UNC13C: variants seen among roughly 807,000 people sequenced by gnomAD.
The protein encoded by UNC13C is unc-13 homolog C.
UNC13C carries 174 observed loss-of-function variants against 245.4 expected under a neutral mutation model. The observed-to-expected ratio is 0.71, with a 90% CI of 0.63 to 0.80. The LOEUF (loss-of-function observed/expected upper bound fraction) is 0.80, where lower values mean the gene tolerates loss of function less well. Ranked by LOEUF, UNC13C falls within the 30% of genes least tolerant of loss-of-function variation. UNC13C has a pLI of 0.00. For synonymous variants in UNC13C, 992 were observed against 895.1 expected, an observed-to-expected ratio of 1.11 and a Z score of -1.93; for missense variants, 2,829 against 2,602.9, an observed-to-expected ratio of 1.09 and a Z score of -1.89.
intron 30 of UNC13C, among the ~76,000 whole-genome samples, chr15:54,597,813 A>C (rs1899181386): frequency 6.6e-6 from 1 of 152,202 alleles, no homozygotes; most frequent in Non-Finnish European, 1.5e-5. Flanking sequence ...GTGTCTAAAA[A>C]TACATCATAT....
rs2038455764 is a variant in UNC13C at position 54,332,229 on chromosome 15, T to C, written c.4494+118T>C. On this transcript the variant is annotated intron_variant, in intron 15 of 32. Coordinates refer to ENST00000260323, the MANE Select transcript of UNC13C (RefSeq NM_001080534.3). ...AAATAAAAATATTGATCTCAGGTGC[T>C]GTTACCCTTAGAAATAATCCAGCAG... The C allele has an allele frequency of 7.2e-6, 5 of 691,806 alleles. No homozygotes were observed. The South Asian group carries it at 8.6e-5, about 12-fold the overall frequency. 42.9% of individuals were successfully genotyped at this position (691,806 alleles called of 1,614,324 possible).
chr15:54,557,835 C>G (rs1897151802), intron 29 of UNC13C, among the ~76,000 whole-genome samples: 1 of 151,972 alleles, frequency 6.6e-6, no homozygotes, highest in Non-Finnish European at 1.5e-5. Flanking sequence ...CATCATTTCA[C>G]CTGCCTTGTA....
At chr15:54,575,202 AT>A (rs1235044871) in intron 30 of UNC13C, among the ~76,000 whole-genome samples, 10 of 152,044 alleles carry the variant, frequency 6.6e-5, no homozygotes, top group Middle Eastern at 3.2e-3. Flanking sequence ...CACCCAGCTA[AT>A]TTTTGTAATT....
At chr15:54,195,195 G>T (rs1313494705) in intron 4 of UNC13C, among the ~76,000 whole-genome samples, 1 of 151,958 alleles carries the variant, frequency 6.6e-6, no homozygotes, top group Non-Finnish European at 1.5e-5. Context: ...TTATTCTCCA[G>T]CTGTACCATA....
chr15:53,953,226 A>C, the UNC13C span, among the ~76,000 whole-genome samples: 1 of 152,312 alleles, frequency 6.6e-6, no homozygotes, highest in Admixed American at 6.5e-5. Context: ...TTCTGTGTGG[A>C]AAAACCTCCA....
At chr15:53,855,185 A>C in the UNC13C span, among the ~76,000 whole-genome samples, 1 of 152,204 alleles carries the variant, frequency 6.6e-6, no homozygotes, top group African/African-American at 2.4e-5. Context: ...CAGCTTAAGT[A>C]GCTTTTGGGC....
At position 54,519,390 on chromosome 15, in the gene UNC13C, G is replaced by C. The variant is rs550166196; in HGVS notation, c.5458-6159G>C. 1.4e-3 allele frequency among the ~76,000 whole-genome samples: 218 copies of C among 152,028 alleles called. 1 individual carries two copies. The highest frequency in any genetic ancestry group is 5.1e-3 in the African/African-American group (210 of 41,336). On this transcript the variant is annotated intron_variant, in intron 24 of 32. Coordinates refer to ENST00000260323, the MANE Select transcript of UNC13C (RefSeq NM_001080534.3). ...ATATTGAGTGAATTATAAAAGGTAA[G>C]GCAATCTTTTTTTTTCCTTCAGTTG...
At chr15:54,465,248 C>T (rs1376631854) in intron 19 of UNC13C, among the ~76,000 whole-genome samples, 1 of 151,976 alleles carries the variant, frequency 6.6e-6, no homozygotes, top group African/African-American at 2.4e-5. Context: ...TCAGTTTACC[C>T]TAATACAGTC....
intron 30 of UNC13C, among the ~76,000 whole-genome samples, chr15:54,605,657 CA>C (rs1490107658): frequency 6.6e-6 from 1 of 152,118 alleles, no homozygotes; most frequent in Non-Finnish European, 1.5e-5. Context: ...TCATCCTAAC[CA>C]AGTTTTAATG....
chr15:54,345,417 C>A (rs1280765880), intron 17 of UNC13C, among the ~76,000 whole-genome samples: 2 of 152,080 alleles, frequency 1.3e-5, no homozygotes, highest in Non-Finnish European at 2.9e-5. Context: ...GGCAGGATCC[C>A]AGATGAAGAG....
chr15:54,286,445 C>T (rs533874258), intron 10 of UNC13C, among the ~76,000 whole-genome samples: 1 of 152,258 alleles, frequency 6.6e-6, no homozygotes, highest in South Asian at 2.1e-4. Flanking sequence ...TATACTACTT[C>T]AGCAATGCTG....
upstream of UNC13C, chr15:53,977,015 G>A (rs1265639505): frequency 6.6e-6 from 1 of 152,192 alleles, no homozygotes; most frequent in African/African-American, 2.4e-5. Flanking sequence ...TACAGCCGGG[G>A]GCAGCAGAGC....
rs769510818 is a variant in UNC13C, at chr15:54,622,356, A to G, written c.6136A>G (p.Ile2046Val). Residue 2046 changes from isoleucine to valine, a missense_variant, in exon 31 of 33, where the codon ATA becomes GTA. By Grantham distance (29) the Ile-to-Val change is conservative. Coordinates refer to ENST00000260323, the MANE Select transcript of UNC13C (RefSeq NM_001080534.3). Reference sequence around the variant, plus strand: ...TTCCTCCAAAGATGCCGTGGGTCAGATATCTGTTCATGTGGACATCACTGC... The same window carrying G: ...TTCCTCCAAAGATGCCGTGGGTCAGGTATCTGTTCATGTGGACATCACTGC... ...SRSSKDAVGQ[I>V]SVHVDITATP... 12 of 1,613,232 alleles carry G rather than the reference A, an allele frequency of 7.4e-6. No homozygotes were observed. The African/African-American group carries it at 1.6e-4, about 22-fold the overall frequency.
intron 17 of UNC13C, among the ~76,000 whole-genome samples, chr15:54,371,034 A>G (rs1376609909): frequency 6.6e-6 from 1 of 151,910 alleles, no homozygotes; most frequent in Non-Finnish European, 1.5e-5. Context: ...CTTTATATCC[A>G]CTCTCTTAGC....
chr15:54,625,675 ACTCTG>A (rs1244097326), intron 32 of UNC13C, among the ~76,000 whole-genome samples: 1 of 152,044 alleles, frequency 6.6e-6, no homozygotes, highest in African/African-American at 2.4e-5. Context: ...TCGTTTCAGC[ACTCTG>A]CTCTGAATAT....
chr15:54,480,751 G>A (rs1893061004), intron 19 of UNC13C, among the ~76,000 whole-genome samples: 1 of 151,988 alleles, frequency 6.6e-6, no homozygotes, highest in South Asian at 2.1e-4. Context: ...TTATCGTGTT[G>A]CTTTGCAGGT....
rs368140835 is a variant in UNC13C at position 54,567,914 on chromosome 15, A to G, written c.6073A>G (p.Ile2025Val). The stretch of plus-strand genomic sequence containing the variant: ...TTATACCCAAACTACTGATGCCTTG[A>G]TAAAGAAATTCATAGATACTCAAAC... ...SLYTQTTDAL[I>V]KKFIDTQTSQ... Residue 2025 changes from isoleucine to valine, a missense_variant, in exon 30 of 33, where the codon ATA (isoleucine) becomes GTA (valine). Transcript: ENST00000260323. 16 of 1,585,068 alleles carry G rather than the reference A, an allele frequency of 1.0e-5. No individual in the cohort carries two copies. Among genetic ancestry groups the G allele is most frequent in the Non-Finnish European group, 1.4e-5 (16 of 1,163,816 alleles).
At chr15:54,407,339 G>A (rs1185210093) in intron 18 of UNC13C, among the ~76,000 whole-genome samples, 1 of 152,138 alleles carries the variant, frequency 6.6e-6, no homozygotes, top group Non-Finnish European at 1.5e-5. Context: ...TCCCAGGAGG[G>A]TGGAAAGGAG....
intron 19 of UNC13C, among the ~76,000 whole-genome samples, chr15:54,472,659 G>A (rs1375595103): frequency 2.6e-5 from 4 of 151,810 alleles, no homozygotes; most frequent in African/African-American, 9.7e-5. Context: ...GAGTTGCAAT[G>A]TATAGTATTA....
Sources: allele counts gnomAD v4.1 joint callset (sites outside exome capture counted in the v4.1 genomes callset), GRCh38; gene constraint gnomAD v4.1.1; transcripts MANE v1.5; gene names NCBI Gene and HGNC (gene_info 2026-07-23, HGNC 2026-07-21).